The following SLC9A9 variants were observed in gnomAD, a reference collection of about 807,000 sequenced individuals.
SLC9A9 encodes solute carrier family 9 member A9, also known as sodium/hydrogen exchanger 9.
In SLC9A9, 62 loss-of-function variants were observed where a neutral mutation model predicts 77.8. That is an observed-to-expected ratio of 0.80 (90% CI 0.65 to 0.98). The LOEUF (loss-of-function observed/expected upper bound fraction) is 0.98. Ranked by LOEUF, SLC9A9 falls within the 50% of genes least tolerant of loss-of-function variation. The pLI, the probability that SLC9A9 is intolerant of heterozygous loss-of-function variation, is 0.00. For synonymous variants in SLC9A9, 320 were observed against 283.5 expected (o/e 1.13, Z -1.29); for missense variants, 775 against 774.9 (o/e 1.00, Z 0.00).
rs2033243233 is a variant in SLC9A9 at position 143,379,078 on chromosome 3, A to C, written c.1524+2982T>G. 4.6e-5 allele frequency among the ~76,000 whole-genome samples: 7 copies of C among 151,804 alleles called. No individual in the cohort carries two copies. The South Asian group carries it at 1.5e-3, about 32-fold the overall frequency. ...TTATTCTTGATTTTGAGAGTGTATA[A>C]TCAGTAACAGCTATAACTACCTGCA... On this transcript the variant is annotated intron_variant, in intron 13 of 15. Coordinates refer to ENST00000316549, the MANE Select transcript of SLC9A9 (RefSeq NM_173653.4).
chr3:143,465,556 A>C (rs1053611009), intron 12 of SLC9A9, among the ~76,000 whole-genome samples: 8 of 152,182 alleles, frequency 5.3e-5, no homozygotes, highest in African/African-American at 1.9e-4. Flanking sequence ...TTATGTTCTG[A>C]ATATTTGAAC....
intron 12 of SLC9A9, among the ~76,000 whole-genome samples, chr3:143,389,937 C>T (rs2033518266): frequency 6.6e-6 from 1 of 152,170 alleles, no homozygotes; most frequent in East Asian, 1.9e-4. Flanking sequence ...GTAAGCCCCT[C>T]CATGGGAGAT....
At chr3:143,412,280 G>C (rs1207135598) in intron 12 of SLC9A9, among the ~76,000 whole-genome samples, 1 of 151,826 alleles carries the variant, frequency 6.6e-6, no homozygotes, top group African/African-American at 2.4e-5. Flanking sequence ...ACTTTTGTTG[G>C]CCCCCGAGAA....
At chr3:143,601,901 A>C (rs2037850769) in intron 6 of SLC9A9, among the ~76,000 whole-genome samples, 4 of 139,924 alleles carry the variant, frequency 2.9e-5, no homozygotes, top group Admixed American at 7.1e-5. Context: ...TCCCCCCTCT[A>C]CCCTCACTGT....
At chr3:143,615,580 TC>T (rs2108704737) in intron 6 of SLC9A9, among the ~76,000 whole-genome samples, 1 of 151,604 alleles carries the variant, frequency 6.6e-6, no homozygotes, top group East Asian at 1.9e-4. Flanking sequence ...AGGAAAAGCA[TC>T]CCCCTGCAAC....
intron 14 of SLC9A9, among the ~76,000 whole-genome samples, chr3:143,278,293 G>A (rs117532947): frequency 6.6e-6 from 1 of 152,326 alleles, no homozygotes; most frequent in East Asian, 1.9e-4. Context: ...GCAAAGGGCT[G>A]GGGGTCTAGC....
chr3:143,750,860 G>A (rs912782204), intron 4 of SLC9A9, among the ~76,000 whole-genome samples: 2 of 151,866 alleles, frequency 1.3e-5, no homozygotes, highest in African/African-American at 2.4e-5. Context: ...AATTTCGCAA[G>A]AACATCTGCA....
rs148958065 is a variant in SLC9A9, at chr3:143,578,098, T to C, written c.894+487A>G. Among the ~76,000 whole-genome samples, 38 of 152,314 alleles carry C rather than the reference T, an allele frequency of 2.5e-4. No homozygotes were observed. The East Asian group carries it at 5.2e-3, about 21-fold the overall frequency. ...TGCTTGCAGGTTCCCTTCTATAAAG[T>C]AGCTGTGGATGCTTGTTTAGACCCA... On this transcript the variant is annotated intron_variant, in intron 7 of 15. Transcript: ENST00000316549.
At chr3:143,678,553 T>TC (rs1334836530) in intron 5 of SLC9A9, among the ~76,000 whole-genome samples, 1 of 152,236 alleles carries the variant, frequency 6.6e-6, no homozygotes, top group East Asian at 1.9e-4. Flanking sequence ...AACCATCATT[T>TC]CCCCATTGAA....
At chr3:143,511,897 C>T (rs899665787) in intron 9 of SLC9A9, among the ~76,000 whole-genome samples, 3 of 152,182 alleles carry the variant, frequency 2.0e-5, no homozygotes, top group Non-Finnish European at 1.5e-5. Context: ...TACCCAAAGA[C>T]ATATCATTTC....
intron 12 of SLC9A9, among the ~76,000 whole-genome samples, chr3:143,401,323 G>A (rs2033855504): frequency 6.6e-6 from 1 of 152,096 alleles, no homozygotes; most frequent in Admixed American, 6.6e-5. Flanking sequence ...TTGGGTATAG[G>A]GTGGTAACTG....
intron 12 of SLC9A9, among the ~76,000 whole-genome samples, chr3:143,434,295 T>C (rs1431801264): frequency 1.3e-5 from 2 of 152,232 alleles, no homozygotes; most frequent in African/African-American, 4.8e-5. Context: ...TTTGGTTTCC[T>C]ATATAATGTA....
chr3:143,558,471 C>T (rs1001652846), intron 8 of SLC9A9, among the ~76,000 whole-genome samples: 7 of 152,166 alleles, frequency 4.6e-5, no homozygotes, highest in African/African-American at 1.7e-4. Flanking sequence ...CCCTACAAAG[C>T]CACAGAGTCA....
chr3:143,719,829 C>T (rs1934450967), intron 4 of SLC9A9, among the ~76,000 whole-genome samples: 1 of 152,086 alleles, frequency 6.6e-6, no homozygotes, highest in Non-Finnish European at 1.5e-5. Flanking sequence ...ACATGTAATA[C>T]CTTTTGCAGG....
chr3:143,530,952 G>A (rs969065140), intron 9 of SLC9A9, among the ~76,000 whole-genome samples: 24 of 151,804 alleles, frequency 1.6e-4, no homozygotes, highest in Admixed American at 5.3e-4. Flanking sequence ...AGCTTGAACT[G>A]CGAGATATAA....
At chr3:143,836,303 A>G (rs1050255171) in intron 1 of SLC9A9, among the ~76,000 whole-genome samples, 1 of 152,198 alleles carries the variant, frequency 6.6e-6, no homozygotes, top group African/African-American at 2.4e-5. Flanking sequence ...CCTCAACCAG[A>G]CAATGAGACT....
At chr3:143,505,583 G>A (rs1272723364) in intron 9 of SLC9A9, among the ~76,000 whole-genome samples, 3 of 152,086 alleles carry the variant, frequency 2.0e-5, no homozygotes, top group African/African-American at 7.2e-5. Flanking sequence ...CTTTGTTTGA[G>A]AATTTTGGGG....
intron 12 of SLC9A9, among the ~76,000 whole-genome samples, chr3:143,382,833 C>T (rs957856391): frequency 1.3e-5 from 2 of 152,198 alleles, no homozygotes; most frequent in African/African-American, 4.8e-5. Context: ...ACTGACTTTG[C>T]TACTCTCTTT....
intron 13 of SLC9A9, among the ~76,000 whole-genome samples, chr3:143,377,789 G>GA (rs1013708591): frequency 6.6e-6 from 1 of 152,108 alleles, no homozygotes; most frequent in Non-Finnish European, 1.5e-5. Flanking sequence ...TATCACATTA[G>GA]AAAAAAACTC....
Sources: allele counts gnomAD v4.1 joint callset (sites outside exome capture counted in the v4.1 genomes callset), GRCh38; gene constraint gnomAD v4.1.1; transcripts MANE v1.5; gene names NCBI Gene and HGNC (gene_info 2026-07-23, HGNC 2026-07-21).